Variants in CLEC12B observed in about 807,000 individuals in gnomAD.
CLEC12B encodes the protein C-type lectin domain family 12 member B.
CLEC12B carries 25 observed loss-of-function variants against 36.1 expected under a neutral mutation model. The observed-to-expected ratio is 0.69, with a 90% confidence interval of 0.50 to 0.97. The LOEUF (loss-of-function observed/expected upper bound fraction) is 0.97. Among genes scored for constraint, CLEC12B ranks in the 50% least tolerant of loss-of-function variants. The probability of loss-of-function intolerance (pLI) is 0.00; values close to 1 mark genes in which losing one functional copy is unlikely to be tolerated. For missense variants in CLEC12B, 325 were observed against 318.4 expected (o/e 1.02, Z -0.16); for synonymous variants, 110 against 108.5 (o/e 1.01, Z -0.09).
chr12:10,018,468 AG>A lies in CLEC12B; in HGVS notation c.820del (p.Asp274IlefsTer22). On this transcript the variant is annotated frameshift_variant, in exon 6 of 6. Transcript: ENST00000338896. LOFTEE classifies it high-confidence loss of function. ...CEKTAAPVKT[E>X]DLD ...AAGACAGCTGCCCCAGTGAAGACTG[AG>A]GATTTGGATTAGTATGCTTCTTCCA... The A allele has an allele frequency of 6.4e-7, 1 of 1,550,706 alleles. No homozygotes were observed. Among genetic ancestry groups the A allele is most frequent in the Non-Finnish European group, 8.7e-7 (1 of 1,146,562 alleles).
chr12:10,015,078 G>A (rs1043946588), intron 3 of CLEC12B, among the ~76,000 whole-genome samples, 174 bp from the exon 4 acceptor site: 2 of 152,086 alleles, frequency 1.3e-5, no homozygotes, highest in Admixed American at 6.5e-5. Context: ...GAGAATCCCT[G>A]TTGCCCCAAC....
intron 5 of CLEC12B, chr12:10,017,745 C>CA (rs1865522425): frequency 4.6e-6 from 4 of 869,536 alleles, no homozygotes; most frequent in Non-Finnish European, 5.5e-6. Context: ...TTAGATCTGA[C>CA]AAGTATAATT....
intron 2 of CLEC12B, 54 bp downstream of exon 2, chr12:10,012,937 C>T (rs1395056730): frequency 2.3e-6 from 3 of 1,305,972 alleles, no homozygotes; most frequent in African/African-American, 1.5e-5. Flanking sequence ...ATATTGTAAA[C>T]CATGTACTTT....
chr12:10,006,384 C>T (rs1197889307), upstream of CLEC12B, among the ~76,000 whole-genome samples: 3 of 151,246 alleles, frequency 2.0e-5, no homozygotes, highest in Admixed American at 6.6e-5. Context: ...TCTCAAGGCA[C>T]GAATCTATAA....
chr12:10,017,483 G>A, intron 5 of CLEC12B: 1 of 985,412 alleles, frequency 1.0e-6, no homozygotes, highest in Non-Finnish European at 1.2e-6. Flanking sequence ...TAATCAAAGT[G>A]TGGAGGAGGT....
chr12:10,007,754 T>C (rs994733391), upstream of CLEC12B, among the ~76,000 whole-genome samples: 5 of 151,946 alleles, frequency 3.3e-5, no homozygotes, highest in African/African-American at 1.2e-4. Flanking sequence ...ATGCACAGAG[T>C]AGGTAGGGTT....
intron 1 of CLEC12B, among the ~76,000 whole-genome samples, chr12:10,011,146 T>C (rs558168119): frequency 2.6e-5 from 4 of 152,142 alleles, no homozygotes; most frequent in African/African-American, 9.7e-5. Context: ...ATATAATCCT[T>C]GATATTTATA....
At position 10,010,816 on chromosome 12, in the gene CLEC12B, G is replaced by T; in HGVS notation, c.57G>T (p.Arg19Ser). Residue 19 changes from arginine (R) to serine (S), a missense_variant, in exon 1 of 6, where the codon AGG (arginine) becomes AGT (serine). Physicochemically the swap from Arg to Ser is moderately radical, Grantham distance 110. Coordinates refer to ENST00000338896, the MANE Select transcript of CLEC12B (RefSeq NM_001129998.3). The part of the protein sequence containing the change: ...TLTFQDSAGA[R>S]NNRDGNNLRK... ...CATTTCAGGATTCTGCTGGAGCAAG[G>T]AATAACCGAGATGGAAATAACCTAA... The T allele has an allele frequency of 6.2e-7, 1 of 1,611,892 alleles. No individual in the cohort carries two copies. Among genetic ancestry groups the T allele is most frequent in the South Asian group, 1.1e-5 (1 of 90,996 alleles).
At chr12:10,017,293 A>G in intron 5 of CLEC12B, 1 of 985,396 alleles carries the variant, frequency 1.0e-6, no homozygotes, top group Non-Finnish European at 1.2e-6. Context: ...CTTTTTTGTG[A>G]CAAGAGCAAT....
At chr12:10,015,940 A>G (rs1347876381) in intron 5 of CLEC12B, 30 of 1,365,178 alleles carry the variant, frequency 2.2e-5, no homozygotes, top group Non-Finnish European at 2.8e-5. Context: ...TTTGGTAGAA[A>G]TGTGTTTATT....
upstream of CLEC12B, among the ~76,000 whole-genome samples, chr12:10,006,734 T>C (rs1294387510): frequency 6.6e-6 from 1 of 152,156 alleles, no homozygotes; most frequent in Non-Finnish European, 1.5e-5. Flanking sequence ...GAGGTAATGT[T>C]GACTTTAGCA....
In CLEC12B at chr12:10,010,691, C is replaced by T; in HGVS notation, c.-69C>T. On this transcript the variant is annotated 5_prime_UTR_variant, in exon 1 of 6. Transcript: ENST00000338896. ...TCAAAGCTCCCAGCCTTGAAAAACA[C>T]ATGCTGTTCCCAGGCCTCAAGATAT... The T allele has an allele frequency of 2.0e-6, 2 of 1,006,262 alleles. No individual in the cohort carries two copies. Among genetic ancestry groups the T allele is most frequent in the Non-Finnish European group, 3.0e-6 (2 of 658,296 alleles). 62.3% of individuals were successfully genotyped at this position (1,006,262 alleles called of 1,614,324 possible).
upstream of CLEC12B, among the ~76,000 whole-genome samples, chr12:10,008,221 G>A (rs1209916125): frequency 6.6e-6 from 1 of 152,066 alleles, no homozygotes; most frequent in African/African-American, 2.4e-5. Flanking sequence ...GTGTGACCTA[G>A]GAAATAAATT....
At chr12:10,007,482 T>C (rs7960084), upstream of CLEC12B, among the ~76,000 whole-genome samples, 53,098 of 151,966 alleles carry the variant, frequency 0.35, 9,608 homozygotes, top group Middle Eastern at 0.38. Flanking sequence ...TTTTGGTATA[T>C]TTGACTAGTG....
chr12:10,008,944 C>A (rs924997892), upstream of CLEC12B, among the ~76,000 whole-genome samples: 1 of 152,210 alleles, frequency 6.6e-6, no homozygotes, highest in African/African-American at 2.4e-5. Flanking sequence ...ACTCAGGGAA[C>A]TTTCCTGTCT....
At chr12:10,015,208 C>G (rs1433408264) in intron 3 of CLEC12B, 44 bp from the exon 4 acceptor site, 6 of 1,527,920 alleles carry the variant, frequency 3.9e-6, no homozygotes, top group Non-Finnish European at 5.4e-6. Flanking sequence ...TCCAGTCACT[C>G]TAGAGTCTTC....
intron 5 of CLEC12B, chr12:10,017,325 A>G: frequency 5.1e-6 from 5 of 985,424 alleles, no homozygotes; most frequent in Non-Finnish European, 6.0e-6. Context: ...ACTGATTAAT[A>G]TTAATCTGAG....
At chr12:10,011,950 A>G (rs1350406784) in intron 1 of CLEC12B, among the ~76,000 whole-genome samples, 5 of 152,206 alleles carry the variant, frequency 3.3e-5, no homozygotes, top group Non-Finnish European at 7.3e-5. Flanking sequence ...TGCTGTATCT[A>G]AAACATTGCG....
chr12:10,014,863 G>A, intron 3 of CLEC12B, 122 bp downstream of exon 3: 1 of 681,572 alleles, frequency 1.5e-6, no homozygotes, highest in Non-Finnish European at 2.5e-6. Context: ...TAATGATGTT[G>A]CACTAAATTT....
Sources: gnomAD v4.1 joint callset for allele counts (sites outside exome capture counted in the v4.1 genomes callset) on GRCh38, gnomAD v4.1.1 for gene constraint, MANE v1.5 for transcripts, NCBI Gene and HGNC (gene_info 2026-07-23, HGNC 2026-07-21) for gene names.